Variants in FBXO17 observed in about 807,000 individuals in gnomAD.
FBXO17 encodes the protein F-box protein 17, also known as F-box only protein 17.
FBXO17 carries 43 observed loss-of-function variants against 34.1 expected under a neutral mutation model. The observed-to-expected ratio is 1.26, with a 90% CI of 0.99 to 1.62. The LOEUF (loss-of-function observed/expected upper bound fraction) is 1.62. Ranked by LOEUF, FBXO17 falls within the 40% of genes most tolerant of loss-of-function variation. FBXO17 has a pLI of 0.00. For synonymous variants in FBXO17, 169 were observed against 166.0 expected, an observed-to-expected ratio of 1.02 and a Z score of -0.14; for missense variants, 424 against 386.7, an observed-to-expected ratio of 1.10 and a Z score of -0.81.
At chr19:38,946,754 C>T in intron 3 of FBXO17, 187 bp from the exon 4 acceptor site, 2 of 782,446 alleles carry the variant, frequency 2.6e-6, no homozygotes, top group South Asian at 3.7e-5. Flanking sequence ...AGTCCCTTTG[C>T]CATTCTCCAC....
In FBXO17 at chr19:38,950,080, G is replaced by A. The variant is rs771791909; in HGVS notation, c.240C>T (p.Arg80=). The change falls in exon 2 of 6, where the codon CGC becomes CGT. Residue 80 remains arginine (R), a synonymous_variant. Transcript: ENST00000292852. The stretch of plus-strand genomic sequence containing the variant: ...CCTTGTCTTCGTTGCTGGGCAGGCA[G>A]CGTTGAGCCACTGCGTAGAGTGCGC... The part of the protein sequence containing the change: ...EGRALYAVAQ[R]CLPSNEDKEE... The A allele has an allele frequency of 6.4e-7, 1 of 1,567,784 alleles. No individual in the cohort carries two copies. Among genetic ancestry groups the A allele is most frequent in the Admixed American group, 1.9e-5 (1 of 53,730 alleles).
At chr19:38,953,391 G>A (rs1034491100) in intron 1 of FBXO17, among the ~76,000 whole-genome samples, 1 of 151,892 alleles carries the variant, frequency 6.6e-6, no homozygotes, top group East Asian at 1.9e-4. Context: ...GGCTGGGCAC[G>A]GTAGCTCACA....
chr19:38,944,821 G>T, intron 5 of FBXO17, 148 bp downstream of exon 5: 2 of 1,145,136 alleles, frequency 1.7e-6, no homozygotes, highest in Non-Finnish European at 2.5e-6. Context: ...TCTTGACACA[G>T]GGCTTGGGAT....
intron 1 of FBXO17, among the ~76,000 whole-genome samples, chr19:38,950,541 G>A (rs1975068163): frequency 1.3e-5 from 2 of 152,208 alleles, no homozygotes; most frequent in African/African-American, 4.8e-5. Flanking sequence ...TCTGACCCCC[G>A]TCAGGACCGC....
intron 5 of FBXO17, 34 bp from the exon 6 acceptor site, chr19:38,942,785 C>T (rs1254516959): frequency 6.3e-7 from 1 of 1,578,296 alleles, no homozygotes; most frequent in Non-Finnish European, 8.6e-7. Flanking sequence ...GGGTGAGGGC[C>T]TGCGGGCCCC....
At chr19:38,944,366 C>T (rs1433900079) in intron 5 of FBXO17, among the ~76,000 whole-genome samples, 1 of 152,018 alleles carries the variant, frequency 6.6e-6, no homozygotes, top group East Asian at 1.9e-4. Context: ...CCTCAGCCTC[C>T]TGAGTAGCTG....
intron 1 of FBXO17, among the ~76,000 whole-genome samples, chr19:38,974,031 T>TACATATATATATATAC (rs1975426943): frequency 8.1e-6 from 1 of 122,956 alleles, no homozygotes; most frequent in Non-Finnish European, 1.8e-5. Flanking sequence ...TATATATATA[T>TACATATATATATATAC]ACATATATAT....
intron 1 of FBXO17, among the ~76,000 whole-genome samples, chr19:38,960,525 T>C (rs1190865763): frequency 6.9e-6 from 1 of 145,966 alleles, no homozygotes; most frequent in Admixed American, 6.7e-5. Flanking sequence ...TATCTTTTTT[T>C]TGAGACAGAG....
chr19:38,945,840 A>G, intron 4 of FBXO17: 2 of 183,238 alleles, frequency 1.1e-5, no homozygotes, highest in Non-Finnish European at 2.3e-5. Context: ...GTCCTGGGGG[A>G]GGAGCCTGGG....
rs1048855530 is a variant in FBXO17, at chr19:38,973,844, G to T, written c.-18+1742C>A. On this transcript the variant is annotated intron_variant, in intron 1 of 5. Coordinates refer to ENST00000292852, the MANE Select transcript of FBXO17 (RefSeq NM_024907.7). ...AATAAAAAAATTAGTGGGGTTTGGT[G>T]GGGGGGCGTGCACCTGTAGCCCTAG... is the stretch of plus-strand genomic sequence containing the variant. Among the ~76,000 whole-genome samples, 4 of 150,888 alleles carry T rather than the reference G, an allele frequency of 2.7e-5. No individual in the cohort carries two copies. In the Admixed American group the frequency reaches 2.7e-4, roughly 10 times the overall value.
chr19:38,970,182 CATGA>C (rs926308987), intron 1 of FBXO17, among the ~76,000 whole-genome samples: 2 of 150,208 alleles, frequency 1.3e-5, no homozygotes, highest in Non-Finnish European at 3.0e-5. Flanking sequence ...GTACCCAGAA[CATGA>C]ATGATTATCA....
intron 1 of FBXO17, among the ~76,000 whole-genome samples, chr19:38,969,588 C>CTTTTT (rs67681512): frequency 1.9e-5 from 2 of 103,494 alleles, no homozygotes; most frequent in Non-Finnish European, 3.8e-5. Context: ...AACCACTGGG[C>CTTTTT]TTTTTTTTTT....
intron 1 of FBXO17, among the ~76,000 whole-genome samples, chr19:38,973,890 G>A (rs1159869838): frequency 2.0e-5 from 3 of 151,234 alleles, no homozygotes; most frequent in African/African-American, 7.3e-5. Flanking sequence ...GGCTGAGGTG[G>A]GAGGATCTCT....
At chr19:38,948,524 G>T in intron 3 of FBXO17, 43 bp downstream of exon 3, 1 of 1,523,170 alleles carries the variant, frequency 6.6e-7, no homozygotes, top group Non-Finnish European at 9.0e-7. Flanking sequence ...TTTCTTTGGG[G>T]CCTTTGCCCC....
chr19:38,949,534 ATT>A (rs758914338), intron 2 of FBXO17, among the ~76,000 whole-genome samples: 23 of 139,500 alleles, frequency 1.6e-4, no homozygotes, highest in Admixed American at 2.1e-4. Context: ...GCACCCCACC[ATT>A]TTTTTTTTTT....
intron 1 of FBXO17, among the ~76,000 whole-genome samples, chr19:38,968,503 T>TA (rs1252710806): frequency 2.0e-5 from 3 of 148,700 alleles, no homozygotes; most frequent in African/African-American, 4.9e-5. Context: ...AAAAAAAAAT[T>TA]AAAAAAAAAG....
chr19:38,969,317 T>TTAC (rs1263241262), intron 1 of FBXO17, among the ~76,000 whole-genome samples: 1 of 151,036 alleles, frequency 6.6e-6, no homozygotes, highest in Non-Finnish European at 1.5e-5. Context: ...GTGGCGTGTG[T>TTAC]GTGTAGTCCC....
rs1974889689 is a variant in FBXO17, at chr19:38,941,772, A to T, written c.*836T>A. 1 of 152,092 alleles carries T rather than the reference A, an allele frequency of 6.6e-6. No individual in the cohort carries two copies. Among genetic ancestry groups the T allele is most frequent in the African/African-American group, 2.4e-5 (1 of 41,406 alleles). The allele number at this position is 152,092 out of a possible 1,614,324, so 9.4% of individuals were successfully genotyped here. ...TCACAAACATGTCACAGTGCTGCAG[A>T]TATTTTGTTTATGGCCAGTTTTGGG... On this transcript the variant is annotated 3_prime_UTR_variant, in exon 6 of 6. Coordinates refer to ENST00000292852, the MANE Select transcript of FBXO17 (RefSeq NM_024907.7).
chr19:38,956,265 CA>C (rs374424636), intron 1 of FBXO17, among the ~76,000 whole-genome samples: 513 of 112,474 alleles, frequency 4.6e-3, no homozygotes, highest in East Asian at 0.013. Context: ...GACTCTGTCT[CA>C]AAAAAAAAAA....
Sources: allele counts gnomAD v4.1 joint callset (sites outside exome capture counted in the v4.1 genomes callset), GRCh38; gene constraint gnomAD v4.1.1; transcripts MANE v1.5; gene names NCBI Gene and HGNC (gene_info 2026-07-23, HGNC 2026-07-21).